The following GLB1 variants were observed in gnomAD, a reference collection of about 807,000 sequenced individuals.
GLB1 encodes the protein galactosidase beta 1, also known as beta-galactosidase.
GLB1 carries 56 observed loss-of-function variants against 74.0 expected under a neutral mutation model. The observed-to-expected ratio is 0.76, with a 90% CI of 0.61 to 0.94. The LOEUF (loss-of-function observed/expected upper bound fraction) is 0.94. Among genes scored for constraint, GLB1 ranks in the 40% least tolerant of loss-of-function variants. GLB1 has a pLI of 0.00. For missense variants in GLB1, 787 were observed against 845.5 expected (o/e 0.93, Z 0.86); for synonymous variants, 323 against 323.6 (o/e 1.00, Z 0.02).
intron 15 of GLB1, among the ~76,000 whole-genome samples, chr3:33,005,384 T>C (rs1314175241): frequency 1.3e-5 from 2 of 152,170 alleles, no homozygotes; most frequent in Admixed American, 6.5e-5. Flanking sequence ...TTCCCAGCAA[T>C]CTTAAGCACT....
At position 33,008,065 on chromosome 3, in the gene GLB1, G is replaced by A. The variant is rs1374600656; in HGVS notation, c.1734+5991C>T. Among the ~76,000 whole-genome samples the A allele has an allele frequency of 5.9e-5, 9 of 152,328 alleles. No homozygotes were observed. In the East Asian group the frequency reaches 1.2e-3, roughly 20 times the overall value. On this transcript the variant is annotated intron_variant, in intron 15 of 15. Coordinates refer to ENST00000307363, the MANE Select transcript of GLB1 (RefSeq NM_000404.4). ...GATAGTGTCTATAAAGCGTTGAGCA[G>A]AACGCCTGGGTCAGTAACTCTTGCG...
intron 13 of GLB1, among the ~76,000 whole-genome samples, chr3:33,018,017 G>C (rs12636380): frequency 0.93 from 141,936 of 152,106 alleles, 67,002 homozygotes; most frequent in East Asian, 1. Flanking sequence ...ACCGTGGTGG[G>C]TCATGCCTGT....
intron 10 of GLB1, among the ~76,000 whole-genome samples, chr3:33,028,419 T>A (rs28457681): frequency 6.6e-6 from 1 of 152,160 alleles, no homozygotes; most frequent in South Asian, 2.1e-4. Context: ...TATCCTTATA[T>A]CTTTATTTAT....
Position 33,093,232 on chromosome 3 carries a change from C to G in GLB1, c.75+3779G>C, listed in dbSNP as rs1700846212. 1.2e-6 allele frequency: 2 copies of G among 1,614,002 alleles called. No individual in the cohort carries two copies. The highest frequency in any genetic ancestry group is 1.7e-5 in the Admixed American group (1 of 60,002). On this transcript the variant is annotated intron_variant, in intron 1 of 15. Transcript: ENST00000307363. The surrounding 1 kb of genome is among the most constrained non-coding windows in gnomAD (Gnocchi z 6.0). ...CAGATCCAGTCCTCATCCTCACTCC[C>G]ACTGCCACTGCCACCACCACCACGT...
chr3:33,053,606 TAA>T, intron 6 of GLB1, 57 bp from the exon 7 acceptor site: 7 of 1,610,828 alleles, frequency 4.3e-6, no homozygotes, highest in Non-Finnish European at 5.9e-6. Flanking sequence ...AGAAGTTAAA[TAA>T]CAAGAGCCCT....
chr3:33,055,304 C>T lies in GLB1; in HGVS notation c.734-1755G>A, dbSNP rs9880004. Among the ~76,000 whole-genome samples, 863 of 152,242 alleles carry T rather than the reference C, an allele frequency of 5.7e-3. 7 individuals carry two copies. The highest frequency in any genetic ancestry group is 0.02 in the African/African-American group (822 of 41,558). On this transcript the variant is annotated intron_variant, in intron 6 of 15. Transcript: ENST00000307363. ...CTTAAAACACAATCATAATCACCTT[C>T]AATTTGTTCCTCCCAACAGAAAAAT...
chr3:33,015,273 C>G (rs995980758), intron 14 of GLB1, among the ~76,000 whole-genome samples: 1 of 152,198 alleles, frequency 6.6e-6, no homozygotes, highest in Non-Finnish European at 1.5e-5. Context: ...CCTTGAGCAC[C>G]TCAGCCATCA....
At chr3:33,069,377 C>T (rs1377743913) in intron 2 of GLB1, among the ~76,000 whole-genome samples, 1 of 151,712 alleles carries the variant, frequency 6.6e-6, no homozygotes, top group Non-Finnish European at 1.5e-5. Context: ...AGAGTGAGAC[C>T]CTGTGTCAAA....
chr3:33,091,973 C>T, intron 1 of GLB1: 1 of 984,234 alleles, frequency 1.0e-6, no homozygotes, highest in Non-Finnish European at 1.2e-6. Flanking sequence ...TCCTACATAT[C>T]TTGTCATACT....
At chr3:33,003,979 G>A (rs1295403157) in intron 15 of GLB1, among the ~76,000 whole-genome samples, 1 of 152,052 alleles carries the variant, frequency 6.6e-6, no homozygotes, top group Non-Finnish European at 1.5e-5. Flanking sequence ...GCAATGAGCT[G>A]AGATCGTGTC....
At chr3:32,992,592 G>A (rs1696244425), downstream of GLB1, among the ~76,000 whole-genome samples, 3 of 152,184 alleles carry the variant, frequency 2.0e-5, no homozygotes, top group Admixed American at 6.5e-5. Context: ...AGACTTACAC[G>A]ATTCCCTTGC....
intron 15 of GLB1, among the ~76,000 whole-genome samples, chr3:32,998,220 C>A (rs1696394927): frequency 6.6e-6 from 1 of 152,320 alleles, no homozygotes; most frequent in Non-Finnish European, 1.5e-5. Flanking sequence ...AAAATTTGCT[C>A]AAAGGGGCTG....
intron 1 of GLB1, among the ~76,000 whole-genome samples, chr3:33,080,066 G>A (rs1260732561): frequency 6.6e-6 from 1 of 151,484 alleles, no homozygotes; most frequent in Non-Finnish European, 1.5e-5. Context: ...TTACTGGCGT[G>A]AGCCACTGTG....
chr3:33,006,932 C>A (rs909946125), intron 15 of GLB1, among the ~76,000 whole-genome samples: 17 of 152,164 alleles, frequency 1.1e-4, no homozygotes, highest in African/African-American at 3.9e-4. Context: ...CAACCCCACA[C>A]CGCAACTGCC....
At chr3:33,063,740 A>C (rs1180281838) in intron 5 of GLB1, among the ~76,000 whole-genome samples, 1 of 152,164 alleles carries the variant, frequency 6.6e-6, no homozygotes, top group Non-Finnish European at 1.5e-5. Flanking sequence ...GCAAAGACGC[A>C]CCCAAGTTTC....
intron 6 of GLB1, among the ~76,000 whole-genome samples, chr3:33,055,644 T>C (rs2125528785): frequency 6.6e-6 from 1 of 151,682 alleles, no homozygotes; most frequent in African/African-American, 2.4e-5. Flanking sequence ...AATTTTTGTA[T>C]CTTTAGTGGA....
chr3:32,979,060 AC>A, the GLB1 span, among the ~76,000 whole-genome samples: 4 of 145,728 alleles, frequency 2.7e-5, no homozygotes, highest in African/African-American at 1.0e-4. Flanking sequence ...CACCGCAACC[AC>A]CGCCTCCTGG....
chr3:33,068,914 T>C lies in GLB1; in HGVS notation c.302A>G (p.Asp101Gly), dbSNP rs1330431267. 1 of 1,613,952 alleles carries C rather than the reference T, an allele frequency of 6.2e-7. No individual in the cohort carries two copies. Among genetic ancestry groups the C allele is most frequent in the Non-Finnish European group, 8.5e-7 (1 of 1,180,036 alleles). ...PWPGQYQFSE[D>G]HDVEYFLRLA... ...CCGAAGAAAATATTCCACATCATGG[T>C]CCTCAGAAAACTGGTACTGTCCTGG... The change falls in exon 3 of 16, where the codon GAC (aspartate) becomes GGC (glycine). Residue 101 changes from aspartate (D) to glycine (G), a missense_variant. By Grantham distance (94) the Asp-to-Gly change is moderately conservative. Transcript: ENST00000307363.
At chr3:33,085,454 A>T (rs1700473746) in intron 1 of GLB1, among the ~76,000 whole-genome samples, 1 of 152,078 alleles carries the variant, frequency 6.6e-6, no homozygotes, top group African/African-American at 2.4e-5. Context: ...ATAATCTCTT[A>T]TTTGAATTGT....
Sources: allele counts gnomAD v4.1 joint callset (sites outside exome capture counted in the v4.1 genomes callset), GRCh38; gene constraint gnomAD v4.1.1; non-coding constraint Gnocchi (gnomAD v3.1); transcripts MANE v1.5; gene names NCBI Gene and HGNC (gene_info 2026-07-23, HGNC 2026-07-21).